The following KATNBL1 variants were observed in gnomAD, a reference collection of about 807,000 sequenced individuals.
The protein encoded by KATNBL1 is KATNB1-like protein 1.
In KATNBL1, 28 loss-of-function variants were observed where a neutral mutation model predicts 44.7. The observed-to-expected ratio is 0.63, with a 90% CI of 0.46 to 0.86. The LOEUF is 0.86. Ranked by LOEUF, KATNBL1 falls within the 40% of genes least tolerant of loss-of-function variation. The probability of loss-of-function intolerance (pLI) is 0.00; values close to 1 mark genes in which losing one functional copy is unlikely to be tolerated. For missense variants in KATNBL1, 272 were observed against 350.7 expected (o/e 0.78, Z 1.79); for synonymous variants, 78 against 114.9 (o/e 0.68, Z 2.06).
At chr15:34,165,849 G>A (rs2140935418) in intron 1 of KATNBL1, 1 of 152,236 alleles carries the variant, frequency 6.6e-6, no homozygotes, top group African/African-American at 2.4e-5. Context: ...TGACTCAGCA[G>A]ATGTGAGAAA....
intron 1 of KATNBL1, among the ~76,000 whole-genome samples, chr15:34,175,241 C>A (rs1889294413): frequency 6.6e-6 from 1 of 151,574 alleles, no homozygotes; most frequent in South Asian, 2.1e-4. Context: ...TGTTTTGGAT[C>A]TTTTATTTTT....
At chr15:34,169,691 TA>T (rs879704844) in intron 1 of KATNBL1, among the ~76,000 whole-genome samples, 3 of 152,178 alleles carry the variant, frequency 2.0e-5, no homozygotes, top group Non-Finnish European at 4.4e-5. Flanking sequence ...AAATCTTCAA[TA>T]AAATACTGGC....
chr15:34,154,827 AGCATACCGG>A, intron 2 of KATNBL1, 143 bp from the exon 3 acceptor site: 2 of 637,956 alleles, frequency 3.1e-6, no homozygotes, highest in Non-Finnish European at 5.6e-6. Flanking sequence ...TGGTCGCAAG[AGCATACCGG>A]GCATGGGAGG....
intron 1 of KATNBL1, among the ~76,000 whole-genome samples, chr15:34,206,791 CAA>C (rs751429482): frequency 4.5e-5 from 5 of 111,020 alleles, no homozygotes; most frequent in African/African-American, 3.4e-5. Flanking sequence ...GACTCCGTCT[CAA>C]AAAAAAAAAA....
chr15:34,168,959 G>A (rs964352372), intron 1 of KATNBL1, among the ~76,000 whole-genome samples: 1 of 152,114 alleles, frequency 6.6e-6, no homozygotes, highest in African/African-American at 2.4e-5. Flanking sequence ...GGAAATTTAT[G>A]GCATTAAATG....
chr15:34,161,512 C>T (rs779023707), intron 2 of KATNBL1, among the ~76,000 whole-genome samples: 2 of 152,188 alleles, frequency 1.3e-5, no homozygotes, highest in African/African-American at 2.4e-5. Context: ...CTCAGCAAGG[C>T]AATTTACTTC....
At chr15:34,182,758 G>T (rs1205967737) in intron 1 of KATNBL1, among the ~76,000 whole-genome samples, 1 of 152,072 alleles carries the variant, frequency 6.6e-6, no homozygotes, top group Non-Finnish European at 1.5e-5. Context: ...GATTCGAAAG[G>T]CTACATATTA....
chr15:34,193,825 G>A (rs760605744), intron 1 of KATNBL1, among the ~76,000 whole-genome samples: 25 of 113,034 alleles, frequency 2.2e-4, no homozygotes, highest in African/African-American at 2.7e-4. Context: ...GTACTCCAGC[G>A]TGGGTGACAG....
chr15:34,160,435 A>G (rs550601351), intron 2 of KATNBL1, among the ~76,000 whole-genome samples: 24 of 152,236 alleles, frequency 1.6e-4, no homozygotes, highest in African/African-American at 5.8e-4. Context: ...CTGGCCAACT[A>G]TTAGTTACAA....
chr15:34,151,435 A>ATTTTT lies in KATNBL1; in HGVS notation c.438+1354_438+1355insAAAAA, dbSNP rs1491367010. Among the ~76,000 whole-genome samples, 102 of 63,828 alleles carry ATTTTT rather than the reference A, an allele frequency of 1.6e-3. 9 individuals carry two copies. The highest frequency in any genetic ancestry group is 2.5e-3 in the Non-Finnish European group (79 of 31,208). 41.9% of individuals were successfully genotyped at this position (63,828 alleles called of 152,430 possible). A position where few individuals can be genotyped will look rare whatever the true frequency, so the allele number is the denominator to read the frequency against. ...AAAGTGTCTATTGTGTCCTTTGCCTACTTTTTTTTTTTTTTTTTTTTTTTT... is the reference window on the plus strand; with the variant it reads ...AAAGTGTCTATTGTGTCCTTTGCCTATTTTTCTTTTTTTTTTTTTTTTTTTTTTTT... On this transcript the variant is annotated intron_variant, in intron 4 of 9. Coordinates refer to ENST00000256544, the MANE Select transcript of KATNBL1 (RefSeq NM_024713.3).
intron 1 of KATNBL1, among the ~76,000 whole-genome samples, chr15:34,166,403 G>A (rs1888975563): frequency 6.6e-6 from 1 of 152,248 alleles, no homozygotes. Context: ...CGCCACTGCT[G>A]AGGCTTGAGT....
At chr15:34,144,290 C>T (rs887453076) in intron 9 of KATNBL1, among the ~76,000 whole-genome samples, 3 of 151,908 alleles carry the variant, frequency 2.0e-5, no homozygotes, top group Non-Finnish European at 4.4e-5. Flanking sequence ...TCCCTCAAGG[C>T]TACCTAGGTT....
At chr15:34,181,415 G>A (rs1050010607) in intron 1 of KATNBL1, among the ~76,000 whole-genome samples, 5 of 151,070 alleles carry the variant, frequency 3.3e-5, no homozygotes, top group Non-Finnish European at 4.4e-5. Flanking sequence ...ACATACTCTC[G>A]TTTCTCTTCA....
intron 1 of KATNBL1, among the ~76,000 whole-genome samples, chr15:34,178,664 G>A (rs1889414115): frequency 6.6e-6 from 1 of 150,764 alleles, no homozygotes; most frequent in Non-Finnish European, 1.5e-5. Context: ...GCTGAGGCAG[G>A]AGAATGGCAT....
At chr15:34,148,936 T>C (rs533814000) in intron 4 of KATNBL1, among the ~76,000 whole-genome samples, 186 bp from the exon 5 acceptor site, 1 of 152,322 alleles carries the variant, frequency 6.6e-6, no homozygotes, top group East Asian at 1.9e-4. Context: ...TTAAGACCCA[T>C]TTATACTTTT....
chr15:34,200,314 G>A (rs1456025498), intron 1 of KATNBL1, among the ~76,000 whole-genome samples: 4 of 151,512 alleles, frequency 2.6e-5, no homozygotes, highest in African/African-American at 7.3e-5. Flanking sequence ...GTGCAGTGGC[G>A]CCATCTCGGC....
At chr15:34,161,742 G>A (rs1470281811) in intron 2 of KATNBL1, among the ~76,000 whole-genome samples, 1 of 152,124 alleles carries the variant, frequency 6.6e-6, no homozygotes, top group Non-Finnish European at 1.5e-5. Flanking sequence ...CGGGAAGGAT[G>A]GTTACAGAGC....
intron 2 of KATNBL1, among the ~76,000 whole-genome samples, chr15:34,157,959 T>C (rs954767729): frequency 2.0e-5 from 3 of 152,204 alleles, no homozygotes; most frequent in Non-Finnish European, 4.4e-5. Context: ...CAGTTGCACT[T>C]GAAAGGAAAT....
chr15:34,202,315 C>T (rs201284385), intron 1 of KATNBL1, among the ~76,000 whole-genome samples: 2 of 152,164 alleles, frequency 1.3e-5, no homozygotes, highest in Non-Finnish European at 1.5e-5. Context: ...CACCACCCTA[C>T]GACACTTGTG....
Sources: allele counts gnomAD v4.1 joint callset (sites outside exome capture counted in the v4.1 genomes callset), GRCh38; gene constraint gnomAD v4.1.1; transcripts MANE v1.5; gene names NCBI Gene and HGNC (gene_info 2026-07-23, HGNC 2026-07-21).